The following DACH1 variants were observed in gnomAD, a reference collection of about 807,000 sequenced individuals.
DACH1 encodes dachshund family transcription factor 1.
A neutral mutation model predicts 54.2 loss-of-function variants in DACH1; 12 were observed. The observed-to-expected ratio is 0.22, with a 90% CI of 0.14 to 0.36. The LOEUF (loss-of-function observed/expected upper bound fraction) is 0.36, where lower values mean the gene tolerates loss of function less well. DACH1 is among the 10% of genes least tolerant of loss of function. The pLI is 1.00. For missense variants in DACH1, 805 were observed against 929.8 expected (o/e 0.87, Z 1.75); for synonymous variants, 386 against 366.2 (o/e 1.05, Z -0.62).
chr13:71,630,632 T>C lies in DACH1; in HGVS notation c.1050A>G (p.Glu350=), dbSNP rs1877026356. The C allele has an allele frequency of 6.2e-7, 1 of 1,612,480 alleles. No homozygotes were observed. The highest frequency in any genetic ancestry group is 2.2e-5 in the East Asian group (1 of 44,786). Residue 350 remains glutamate (E), a synonymous_variant, in exon 3 of 11, where the codon GAA becomes GAG. Coordinates refer to ENST00000613252, the MANE Select transcript of DACH1 (RefSeq NM_080759.6). ...TACTGGCATGATAGTTGCTCATGGC[T>C]TCTAATTTGATTTTTTTCACCTTCA... ...EAMKVKKIKL[E]AMSNYHASNN... is the part of the protein sequence containing the mutation.
At chr13:71,682,798 T>C (rs774680480) in intron 1 of DACH1, among the ~76,000 whole-genome samples, 9 of 152,146 alleles carry the variant, frequency 5.9e-5, no homozygotes, top group Non-Finnish European at 1.0e-4. Flanking sequence ...ATTACAGTTA[T>C]AAGCAGAGGT....
intron 3 of DACH1, among the ~76,000 whole-genome samples, chr13:71,598,584 T>C (rs1277375009): frequency 6.6e-6 from 1 of 152,122 alleles, no homozygotes; most frequent in Non-Finnish European, 1.5e-5. Context: ...ATACACTCTT[T>C]TGTGATGTAG....
At chr13:71,479,369 G>C (rs144333664) in intron 7 of DACH1, 53 bp from the exon 8 acceptor site, 4 of 1,555,058 alleles carry the variant, frequency 2.6e-6, no homozygotes, top group Non-Finnish European at 3.5e-6. Flanking sequence ...AGCAAATTTC[G>C]TTCATTACTT....
chr13:71,595,418 T>C (rs1471939478), intron 3 of DACH1, among the ~76,000 whole-genome samples: 1 of 152,176 alleles, frequency 6.6e-6, no homozygotes, highest in African/African-American at 2.4e-5. Context: ...TAGACTACTC[T>C]GGCTACCATC....
chr13:71,630,467 G>A (rs1877009139), intron 3 of DACH1, 89 bp downstream of exon 3: 2 of 1,443,300 alleles, frequency 1.4e-6, no homozygotes, highest in Non-Finnish European at 9.1e-7. Flanking sequence ...CTTTTTGAAT[G>A]GGTAGCCAAC....
intron 10 of DACH1, among the ~76,000 whole-genome samples, chr13:71,460,332 T>C (rs980173063): frequency 6.6e-6 from 1 of 152,082 alleles, no homozygotes; most frequent in Non-Finnish European, 1.5e-5. Context: ...TTTCACTGTG[T>C]AGATAAATGT....
intron 2 of DACH1, among the ~76,000 whole-genome samples, chr13:71,645,321 C>T (rs753485545): frequency 2.6e-5 from 4 of 152,090 alleles, no homozygotes; most frequent in Non-Finnish European, 4.4e-5. Context: ...CTTTCTAGAA[C>T]GAAACACTGT....
chr13:71,580,103 T>C (rs576356219), intron 3 of DACH1, among the ~76,000 whole-genome samples: 1 of 152,270 alleles, frequency 6.6e-6, no homozygotes, highest in South Asian at 2.1e-4. Flanking sequence ...TTTCTACAAC[T>C]TAAGTATAAT....
chr13:71,770,250 T>C (rs1566489505), intron 1 of DACH1, among the ~76,000 whole-genome samples: 1 of 151,722 alleles, frequency 6.6e-6, no homozygotes. Context: ...CTTCTTATCT[T>C]GTTTTCATTT....
chr13:71,816,182 A>C lies in DACH1; in HGVS notation c.848+49740T>G, dbSNP rs573416908. Among the ~76,000 whole-genome samples, 28 of 152,346 alleles carry C rather than the reference A, an allele frequency of 1.8e-4. No homozygotes were observed. In the South Asian group the frequency reaches 5.8e-3, roughly 32 times the overall value. ...TTTTAAAACAGCTAAACAATCAAAG[A>C]GGAAAATATAATACAATGTACTTGC... On this transcript the variant is annotated intron_variant, in intron 1 of 10. Transcript: ENST00000613252.
chr13:71,558,560 C>T (rs1459023827), intron 5 of DACH1, among the ~76,000 whole-genome samples: 1 of 151,796 alleles, frequency 6.6e-6, no homozygotes, highest in Non-Finnish European at 1.5e-5. Context: ...AGCACCTTTC[C>T]AATGACAATA....
At chr13:71,630,070 ATC>A (rs1442061960) in intron 3 of DACH1, among the ~76,000 whole-genome samples, 1 of 152,190 alleles carries the variant, frequency 6.6e-6, no homozygotes, top group Non-Finnish European at 1.5e-5. Context: ...GGTAACCATT[ATC>A]TATAGAAAGA....
Position 71,475,180 on chromosome 13 carries a change from G to C in DACH1, c.2044C>G (p.Arg682Gly). ...DSLTPEIEADRSGGRTDAERT... is the reference protein window; with the variant it reads ...DSLTPEIEADGSGGRTDAERT... ...TCAGCATCTGTTCTGCCGCCACTGC[G>C]GTCAGCCTCTATCTCTGGGGTCAGA... Residue 682 changes from arginine to glycine, a missense_variant, in exon 10 of 11, where the codon CGC (arginine) becomes GGC (glycine). Arg to Gly is a moderately radical substitution (Grantham distance 125). Around this residue, in one of 3 missense-constraint regions of DACH1, gnomAD observed 472 missense variants for 545.3 expected, o/e 0.87. Transcript: ENST00000613252. 6.2e-7 allele frequency: 1 copy of C among 1,613,816 alleles called. No individual in the cohort carries two copies. Among genetic ancestry groups the C allele is most frequent in the Non-Finnish European group, 8.5e-7 (1 of 1,179,862 alleles).
At chr13:71,701,033 G>A (rs1566442791) in intron 1 of DACH1, among the ~76,000 whole-genome samples, 1 of 152,030 alleles carries the variant, frequency 6.6e-6, no homozygotes, top group Non-Finnish European at 1.5e-5. Context: ...AATCTGACTT[G>A]CTAATAAAAT....
At chr13:71,514,614 T>A (rs995183443) in intron 6 of DACH1, among the ~76,000 whole-genome samples, 4 of 151,834 alleles carry the variant, frequency 2.6e-5, no homozygotes, top group African/African-American at 9.7e-5. Context: ...ATAATGAAAT[T>A]ACTATTCCAA....
chr13:71,762,792 A>G (rs1165949719), intron 1 of DACH1, among the ~76,000 whole-genome samples: 2 of 147,064 alleles, frequency 1.4e-5, no homozygotes, highest in South Asian at 4.5e-4. Context: ...AAAAAAAAAA[A>G]GAATGTACAT....
chr13:71,626,577 C>G (rs778124995), intron 3 of DACH1, among the ~76,000 whole-genome samples: 3 of 151,922 alleles, frequency 2.0e-5, no homozygotes, highest in Non-Finnish European at 4.4e-5. Flanking sequence ...TAAAAAGAAT[C>G]CAGGACATTT....
intron 3 of DACH1, among the ~76,000 whole-genome samples, chr13:71,623,998 C>T (rs1290470736): frequency 6.6e-6 from 1 of 151,872 alleles, no homozygotes; most frequent in Non-Finnish European, 1.5e-5. Flanking sequence ...AGTGCACATA[C>T]TGTTTTAATA....
intron 6 of DACH1, among the ~76,000 whole-genome samples, chr13:71,538,157 T>C (rs1052102998): frequency 4.6e-5 from 7 of 152,108 alleles, no homozygotes; most frequent in Non-Finnish European, 7.4e-5. Context: ...GTATTCCACA[T>C]TGATTATTTC....
Sources: gnomAD v4.1 joint callset for allele counts (sites outside exome capture counted in the v4.1 genomes callset) on GRCh38, gnomAD v4.1.1 for gene constraint, gnomAD v4.1.1 regional missense constraint, MANE v1.5 for transcripts, NCBI Gene and HGNC (gene_info 2026-07-23, HGNC 2026-07-21) for gene names.